The following EMB variants were observed in gnomAD, a reference collection of about 807,000 sequenced individuals.
The protein encoded by EMB is embigin homolog.
A neutral mutation model predicts 41.4 loss-of-function variants in EMB; 31 were observed. That is an observed-to-expected ratio of 0.75 (90% confidence interval 0.56 to 1.01). EMB has a LOEUF of 1.01. Among genes scored for constraint, EMB ranks in the 50% least tolerant of loss-of-function variants. The pLI, the probability that EMB is intolerant of heterozygous loss-of-function variation, is 0.00. For missense variants in EMB, 379 were observed against 388.3 expected, an observed-to-expected ratio of 0.98 and a Z score of 0.20; for synonymous variants, 137 against 140.4, an observed-to-expected ratio of 0.98 and a Z score of 0.17.
intron 2 of EMB, among the ~76,000 whole-genome samples, chr5:50,413,434 G>A (rs1249792161): frequency 6.6e-6 from 1 of 152,050 alleles, no homozygotes; most frequent in Non-Finnish European, 1.5e-5. Context: ...TCTTGAAACT[G>A]GTTAAGTCTC....
chr5:50,408,718 A>AACG (rs1454217180), intron 4 of EMB, among the ~76,000 whole-genome samples: 1 of 152,062 alleles, frequency 6.6e-6, no homozygotes, highest in African/African-American at 2.4e-5. Context: ...TCTTAGGAAA[A>AACG]ACCATTAAGT....
At chr5:50,429,067 TG>T (rs1745670370) in intron 1 of EMB, among the ~76,000 whole-genome samples, 2 of 152,038 alleles carry the variant, frequency 1.3e-5, no homozygotes, top group African/African-American at 4.8e-5. Context: ...AGCTAATTTT[TG>T]TGTTTTTAGT....
chr5:50,410,729 C>T (rs998753212), intron 4 of EMB, 148 bp downstream of exon 4: 21 of 483,692 alleles, frequency 4.3e-5, no homozygotes, highest in Non-Finnish European at 6.8e-5. Context: ...ATTTTCAAGG[C>T]TGCCTCTTGT....
intron 1 of EMB, among the ~76,000 whole-genome samples, chr5:50,436,073 A>G (rs1745798202): frequency 6.6e-6 from 1 of 152,150 alleles, no homozygotes. Flanking sequence ...TTAGAACCCA[A>G]GATCTGGGTG....
intron 1 of EMB, among the ~76,000 whole-genome samples, chr5:50,433,558 C>T (rs772932440): frequency 1.3e-5 from 2 of 152,106 alleles, no homozygotes; most frequent in African/African-American, 2.4e-5. Flanking sequence ...TTAGTCTATT[C>T]GATAAGAGTT....
intron 1 of EMB, among the ~76,000 whole-genome samples, chr5:50,429,966 C>T (rs1464653957): frequency 4.7e-5 from 4 of 85,142 alleles, no homozygotes; most frequent in African/African-American, 2.1e-4. Flanking sequence ...CCCCAACTCT[C>T]TTTCTCTCTC....
intron 2 of EMB, among the ~76,000 whole-genome samples, chr5:50,416,865 A>G (rs1745438113): frequency 6.6e-6 from 1 of 152,124 alleles, no homozygotes; most frequent in African/African-American, 2.4e-5. Context: ...ATCCCTTTCC[A>G]TGGCAATGAC....
In EMB at chr5:50,441,155, G is replaced by A; in HGVS notation, c.-4C>T. ...GCAGGCCGGGGAGGGCGCGCATGGC[G>A]CCAGAGGGTCCGCCTGGGTCCTCGT... On this transcript the variant is annotated 5_prime_UTR_variant, in exon 1 of 9. Transcript: ENST00000303221. 6.7e-7 allele frequency: 1 copy of A among 1,488,138 alleles called. No homozygotes were observed. Among genetic ancestry groups the A allele is most frequent in the Non-Finnish European group, 8.9e-7 (1 of 1,120,688 alleles). 92.2% of individuals were successfully genotyped at this position (1,488,138 alleles called of 1,614,324 possible). A position where few individuals can be genotyped will look rare whatever the true frequency, so the allele number is the denominator to read the frequency against.
chr5:50,402,265 T>A (rs766835596), intron 7 of EMB, 21 bp downstream of exon 7: 4 of 1,604,204 alleles, frequency 2.5e-6, no homozygotes, highest in Non-Finnish European at 3.4e-6. Context: ...TGAAAATTAA[T>A]CTGTAAAAAA....
chr5:50,413,123 C>T (rs1745371746), intron 2 of EMB, among the ~76,000 whole-genome samples: 1 of 152,104 alleles, frequency 6.6e-6, no homozygotes. Context: ...TAATTTTGAA[C>T]AGTGGCAAAT....
At chr5:50,417,087 T>C (rs942963125) in intron 2 of EMB, among the ~76,000 whole-genome samples, 2 of 152,156 alleles carry the variant, frequency 1.3e-5, no homozygotes, top group South Asian at 2.1e-4. Flanking sequence ...CAGCTCACTC[T>C]TGAATTCTTT....
intron 4 of EMB, among the ~76,000 whole-genome samples, chr5:50,408,734 A>T (rs1745286211): frequency 6.6e-6 from 1 of 152,096 alleles, no homozygotes; most frequent in Non-Finnish European, 1.5e-5. Flanking sequence ...TAAGTAAACC[A>T]TATGGAGAAA....
At chr5:50,416,370 A>C (rs1745431951) in intron 2 of EMB, among the ~76,000 whole-genome samples, 1 of 152,198 alleles carries the variant, frequency 6.6e-6, no homozygotes, top group Non-Finnish European at 1.5e-5. Flanking sequence ...TCTTATTTTC[A>C]TAGGTAACAT....
rs748202078 is a variant in EMB at position 50,411,358 on chromosome 5, T to A, written c.222A>T (p.Lys74Asn). 10 of 1,605,412 alleles carry A rather than the reference T, an allele frequency of 6.2e-6. No individual in the cohort carries two copies. The East Asian group carries it at 2.2e-4, about 36-fold the overall frequency. The change falls in exon 3 of 9, where the codon AAA becomes AAT. Residue 74 changes from lysine (K) to asparagine (N), a missense_variant. By Grantham distance (94) the Lys-to-Asn change is moderately conservative (BLOSUM62 0). Coordinates refer to ENST00000303221, the MANE Select transcript of EMB (RefSeq NM_198449.3). Reference protein sequence around the residue: ...LTEHSSMPVEKNITLERPSNV... With the variant: ...LTEHSSMPVENNITLERPSNV... Reference sequence around the variant, plus strand: ...TAGAAGGCCTTTCTAAAGTGATATTTTTTTCTACTGGCATACTAGAATGTT... The same window carrying A: ...TAGAAGGCCTTTCTAAAGTGATATTATTTTCTACTGGCATACTAGAATGTT...
intron 4 of EMB, among the ~76,000 whole-genome samples, chr5:50,410,427 G>A (rs1745316640): frequency 6.6e-6 from 1 of 151,942 alleles, no homozygotes; most frequent in Non-Finnish European, 1.5e-5. Context: ...TAAAAAGTAG[G>A]CAACCGTTTG....
In EMB at chr5:50,398,204, A is replaced by G. The variant is rs1300719935; in HGVS notation, c.*1069T>C. 1 of 151,496 alleles carries G rather than the reference A, an allele frequency of 6.6e-6. No homozygotes were observed. Among genetic ancestry groups the G allele is most frequent in the Non-Finnish European group, 1.5e-5 (1 of 67,884 alleles). 9.4% of individuals were successfully genotyped at this position (151,496 alleles called of 1,614,324 possible). On this transcript the variant is annotated 3_prime_UTR_variant, in exon 9 of 9. Transcript: ENST00000303221. ...TTCATTCAAGCATTGACAACTTTTC[A>G]TGTTGATTCAGATTTTATAAGATTT...
At chr5:50,412,236 CA>C (rs1194165709) in intron 2 of EMB, among the ~76,000 whole-genome samples, 2 of 117,906 alleles carry the variant, frequency 1.7e-5, no homozygotes, top group African/African-American at 8.7e-5. Flanking sequence ...TACACACACA[CA>C]CACCACACAC....
intron 4 of EMB, among the ~76,000 whole-genome samples, chr5:50,407,776 AG>A (rs1244452755): frequency 6.6e-6 from 1 of 151,984 alleles, no homozygotes; most frequent in African/African-American, 2.4e-5. Flanking sequence ...TGCATAAAGT[AG>A]GATGCATACG....
chr5:50,443,160 C>T (rs193029204), upstream of EMB: 12 of 152,214 alleles, frequency 7.9e-5, no homozygotes, highest in African/African-American at 2.9e-4. Flanking sequence ...GACTGCCTTC[C>T]CTATATAACT....
Sources: gnomAD v4.1 joint callset for allele counts (sites outside exome capture counted in the v4.1 genomes callset) on GRCh38, gnomAD v4.1.1 for gene constraint, MANE v1.5 for transcripts, NCBI Gene and HGNC (gene_info 2026-07-23, HGNC 2026-07-21) for gene names.